Variants in ZNG1B observed in about 807,000 individuals in gnomAD.
ZNG1B encodes the protein Zn regulated GTPase metalloprotein activator 1B, also known as zinc-regulated GTPase metalloprotein activator 1B.
chr2:113,495,341 G>A, the ZNG1B span: 1,102 of 1,469,740 alleles, frequency 7.5e-4, 198 homozygotes, highest in Middle Eastern at 3.6e-3. Flanking sequence ...AACCATTCAG[G>A]TCCTCTTTTA....
At chr2:113,464,607 C>T in the ZNG1B span, among the ~76,000 whole-genome samples, 16 of 150,992 alleles carry the variant, frequency 1.1e-4, no homozygotes, top group African/African-American at 1.7e-4. Context: ...AGGGAACTGA[C>T]GAGGTTATTC....
At chr2:113,450,911 G>A in the ZNG1B span, among the ~76,000 whole-genome samples, 1 of 145,672 alleles carries the variant, frequency 6.9e-6, no homozygotes, top group Non-Finnish European at 1.5e-5. Context: ...GCCAAATGGG[G>A]CAATGTGGCT....
chr2:113,493,244 T>C, the ZNG1B span, among the ~76,000 whole-genome samples: 1 of 135,260 alleles, frequency 7.4e-6, no homozygotes, highest in African/African-American at 2.7e-5. Flanking sequence ...GAGAACAAAT[T>C]TACTTTGGTT....
At chr2:113,461,043 A>ATG in the ZNG1B span, among the ~76,000 whole-genome samples, 1 of 146,992 alleles carries the variant, frequency 6.8e-6, no homozygotes, top group African/African-American at 2.5e-5. Context: ...ATATATATAT[A>ATG]TGTATAATAA....
the ZNG1B span, among the ~76,000 whole-genome samples, chr2:113,483,453 C>T: frequency 2.7e-5 from 4 of 150,644 alleles, no homozygotes; most frequent in African/African-American, 9.8e-5. Flanking sequence ...TGAAAAGCTG[C>T]GTTTCTCAAA....
the ZNG1B span, among the ~76,000 whole-genome samples, chr2:113,440,803 CTA>C: frequency 6.9e-6 from 1 of 144,070 alleles, no homozygotes; most frequent in Non-Finnish European, 1.5e-5. Flanking sequence ...TTTTTTTCCT[CTA>C]TGAATTTTAG....
the ZNG1B span, chr2:113,466,607 C>G: frequency 1.0e-6 from 1 of 985,386 alleles, no homozygotes; most frequent in Non-Finnish European, 1.2e-6. Flanking sequence ...TAGGGACTTT[C>G]TGAAATAGTA....
the ZNG1B span, chr2:113,457,198 A>G: frequency 2.2e-6 from 1 of 452,788 alleles, no homozygotes; most frequent in South Asian, 1.6e-5. Flanking sequence ...GAAGTTACCC[A>G]GAGAAGGTCA....
At chr2:113,470,326 A>G in the ZNG1B span, 1 of 152,250 alleles carries the variant, frequency 6.6e-6, no homozygotes, top group Non-Finnish European at 1.5e-5. Context: ...TTATGTTAAA[A>G]TTATAACTCA....
the ZNG1B span, among the ~76,000 whole-genome samples, chr2:113,441,942 G>T: frequency 2.0e-5 from 3 of 152,128 alleles, no homozygotes; most frequent in Admixed American, 6.5e-5. Flanking sequence ...GTTTCACCAT[G>T]TTGGCCAGGA....
At chr2:113,437,893 G>T in the ZNG1B span, 10 of 1,611,912 alleles carry the variant, frequency 6.2e-6, no homozygotes, top group African/African-American at 1.3e-4. Context: ...TGGATCTGCG[G>T]ATGAGGAGGA....
At chr2:113,462,520 G>A in the ZNG1B span, 1 of 1,583,346 alleles carries the variant, frequency 6.3e-7, no homozygotes, top group East Asian at 2.2e-5. Flanking sequence ...TGTGTTAAGT[G>A]CCTACAGATC....
At chr2:113,464,353 TG>T in the ZNG1B span, among the ~76,000 whole-genome samples, 2 of 106,312 alleles carry the variant, frequency 1.9e-5, 1 homozygote. Context: ...AATCATTATA[TG>T]TGGGAAGCCT....
the ZNG1B span, among the ~76,000 whole-genome samples, chr2:113,476,096 G>A: frequency 6.6e-6 from 1 of 151,810 alleles, no homozygotes; most frequent in Non-Finnish European, 1.5e-5. Flanking sequence ...TTCCAACTTG[G>A]TTCCATTCTC....
At chr2:113,470,190 C>T in the ZNG1B span, 20 of 150,996 alleles carry the variant, frequency 1.3e-4, no homozygotes, top group African/African-American at 4.8e-4. Flanking sequence ...CAGGGTTTCA[C>T]CACGTTGTCC....
the ZNG1B span, among the ~76,000 whole-genome samples, chr2:113,488,906 G>A: frequency 2.6e-5 from 4 of 151,622 alleles, no homozygotes; most frequent in Non-Finnish European, 5.9e-5. Context: ...CGGCATTCCT[G>A]AGGAAGAAGA....
the ZNG1B span, among the ~76,000 whole-genome samples, chr2:113,458,431 TTACATATAATTTTAA>T: frequency 5.3e-5 from 8 of 151,726 alleles, no homozygotes; most frequent in Non-Finnish European, 1.2e-4. Flanking sequence ...TGGTATATGA[TTACATATAATTTTAA>T]TACAGCTGTA....
the ZNG1B span, among the ~76,000 whole-genome samples, chr2:113,476,833 G>A: frequency 1.3e-5 from 2 of 152,322 alleles, no homozygotes; most frequent in Non-Finnish European, 2.9e-5. Context: ...GCTGCTCGGG[G>A]GTCAGGGGTC....
At chr2:113,446,743 T>TACAC in the ZNG1B span, among the ~76,000 whole-genome samples, 13 of 141,786 alleles carry the variant, frequency 9.2e-5, no homozygotes, top group East Asian at 2.2e-4. Flanking sequence ...CAAGACTGTA[T>TACAC]ACACACACAC....
Sources: allele counts gnomAD v4.1 joint callset (sites outside exome capture counted in the v4.1 genomes callset), GRCh38; gene constraint gnomAD v4.1.1; transcripts MANE v1.5; gene names NCBI Gene and HGNC (gene_info 2026-07-23, HGNC 2026-07-21).